Variants in ADGRV1 observed in about 807,000 individuals in gnomAD.
ADGRV1 encodes the protein G-protein coupled receptor 98.
A neutral mutation model predicts 596.2 loss-of-function variants in ADGRV1; 359 were observed. That is an observed-to-expected ratio of 0.60 (90% CI 0.55 to 0.66). The LOEUF (loss-of-function observed/expected upper bound fraction) is 0.66. ADGRV1 is among the 30% of genes least tolerant of loss of function. The pLI, the probability that ADGRV1 is intolerant of heterozygous loss-of-function variation, is 0.00. For missense variants in ADGRV1, 7,274 were observed against 7,575.6 expected, an observed-to-expected ratio of 0.96 and a Z score of 1.48; for synonymous variants, 2,681 against 2,679.2, an observed-to-expected ratio of 1.00 and a Z score of -0.02.
At chr5:91,031,446 A>G (rs1784476190) in intron 85 of ADGRV1, 1 of 733,370 alleles carries the variant, frequency 1.4e-6, no homozygotes, top group African/African-American at 1.8e-5. Flanking sequence ...GAGTCACTCA[A>G]CTCTGAATAA....
At chr5:90,949,922 A>C (rs1776917288) in intron 83 of ADGRV1, among the ~76,000 whole-genome samples, 1 of 152,174 alleles carries the variant, frequency 6.6e-6, no homozygotes, top group Non-Finnish European at 1.5e-5. Context: ...TTGACAAGGA[A>C]GGATGCCTTT....
intron 1 of ADGRV1, among the ~76,000 whole-genome samples, chr5:90,611,605 A>C (rs557716493): frequency 6.6e-6 from 1 of 152,076 alleles, no homozygotes; most frequent in African/African-American, 2.4e-5. Context: ...TCACAGTTGC[A>C]ACAGAATACA....
chr5:90,673,779 AG>A (rs1772835972), intron 22 of ADGRV1, among the ~76,000 whole-genome samples: 1 of 152,124 alleles, frequency 6.6e-6, no homozygotes, highest in Non-Finnish European at 1.5e-5. Flanking sequence ...ATTTTAACAT[AG>A]GAATTTGGGG....
intron 84 of ADGRV1, among the ~76,000 whole-genome samples, chr5:90,977,674 T>C (rs1779728431): frequency 6.6e-6 from 1 of 152,306 alleles, no homozygotes; most frequent in African/African-American, 2.4e-5. Context: ...TATCTGGATA[T>C]TGGGAAAAAT....
rs1746613008 is a variant in ADGRV1 at position 90,692,527 on chromosome 5, G to A, written c.6952-78G>A. ...TTCTTGTACTTGTATGTATATGTTT[G>A]ATTTTTTTCCCTTGAATCATTTTTA... On this transcript the variant is annotated intron_variant, in intron 31 of 89. Coordinates refer to ENST00000405460, the MANE Select transcript of ADGRV1 (RefSeq NM_032119.4). 12 of 1,162,704 alleles carry A rather than the reference G, an allele frequency of 1.0e-5. No individual in the cohort carries two copies. In the South Asian group the frequency reaches 1.9e-4, roughly 18 times the overall value. The allele number at this position is 1,162,704 out of a possible 1,614,324, so 72.0% of individuals were successfully genotyped here.
chr5:90,604,373 T>C (rs1761812536), intron 1 of ADGRV1, among the ~76,000 whole-genome samples: 2 of 152,098 alleles, frequency 1.3e-5, no homozygotes, highest in Admixed American at 1.3e-4. Context: ...AAAAACAGAC[T>C]GTCTTCAATG....
Position 90,658,003 on chromosome 5 carries a change from G to C in ADGRV1, c.4477G>C (p.Glu1493Gln). ...GTCCTATGAGCGGAAACTGACGCTTGAAGAAATTTATGAACTTCATGCCAT... is the reference window on the plus strand; with the variant it reads ...GTCCTATGAGCGGAAACTGACGCTTCAAGAAATTTATGAACTTCATGCCAT... ...VRSYERKLTLEEIYELHAMPA... is the reference protein window; with the variant it reads ...VRSYERKLTLQEIYELHAMPA... The change falls in exon 21 of 90, where the codon GAA (glutamate) becomes CAA (glutamine). Residue 1493 changes from glutamate to glutamine, a missense_variant. Glu to Gln is a conservative substitution (Grantham distance 29). Coordinates refer to ENST00000405460, the MANE Select transcript of ADGRV1 (RefSeq NM_032119.4). 1 of 1,613,940 alleles carries C rather than the reference G, an allele frequency of 6.2e-7. No individual in the cohort carries two copies. The highest frequency in any genetic ancestry group is 2.2e-5 in the East Asian group (1 of 44,874).
intron 34 of ADGRV1, among the ~76,000 whole-genome samples, chr5:90,700,201 C>T (rs762641108): frequency 3.9e-5 from 6 of 152,116 alleles, no homozygotes; most frequent in Non-Finnish European, 8.8e-5. Flanking sequence ...GGTGATTCTT[C>T]AGAGATAACC....
At chr5:91,162,466 G>T (rs999373378) in intron 89 of ADGRV1, among the ~76,000 whole-genome samples, 2 of 152,104 alleles carry the variant, frequency 1.3e-5, no homozygotes, top group African/African-American at 4.8e-5. Context: ...TCCTGAGCTT[G>T]GAAACCCTAG....
In ADGRV1 at chr5:90,563,573, G is replaced by T. The variant is rs148893672; in HGVS notation, c.22+4656G>T. Among the ~76,000 whole-genome samples the T allele has an allele frequency of 4.4e-3, 669 of 152,338 alleles. 5 individuals are homozygous for T. The highest frequency in any genetic ancestry group is 0.015 in the African/African-American group (630 of 41,580). ...ATGCAACTCCAAAAAGTCATTGTGT[G>T]CACTGTTAATGGTTTCTCATGCAGT... On this transcript the variant is annotated intron_variant, in intron 1 of 89. Transcript: ENST00000405460.
chr5:90,812,898 G>A (rs563062886), intron 74 of ADGRV1, among the ~76,000 whole-genome samples: 10 of 151,792 alleles, frequency 6.6e-5, no homozygotes, highest in South Asian at 2.1e-4. Flanking sequence ...TTGGGAGGCC[G>A]AGTCGGGCGG....
intron 86 of ADGRV1, among the ~76,000 whole-genome samples, chr5:91,083,386 TATA>T (rs1347479383): frequency 6.6e-6 from 1 of 152,052 alleles, no homozygotes; most frequent in Non-Finnish European, 1.5e-5. Flanking sequence ...GAACTTAAAG[TATA>T]ATAATAAAAA....
chr5:90,689,332 C>CTTTTTT (rs34756274), intron 29 of ADGRV1, among the ~76,000 whole-genome samples: 8 of 104,422 alleles, frequency 7.7e-5, no homozygotes, highest in Non-Finnish European at 1.3e-4. Flanking sequence ...CCCCACCCAC[C>CTTTTTT]TTTTTTTTTT....
At chr5:90,628,363 G>A (rs1765073538) in intron 7 of ADGRV1, among the ~76,000 whole-genome samples, 199 bp from the exon 8 acceptor site, 1 of 152,092 alleles carries the variant, frequency 6.6e-6, no homozygotes, top group South Asian at 2.1e-4. Flanking sequence ...AGTGAGCTCT[G>A]ATCACACCAC....
intron 83 of ADGRV1, among the ~76,000 whole-genome samples, chr5:90,877,038 G>C (rs1217556730): frequency 6.6e-6 from 1 of 152,118 alleles, no homozygotes; most frequent in Non-Finnish European, 1.5e-5. Context: ...ACAGCATATA[G>C]TGGGAACCAA....
intron 83 of ADGRV1, among the ~76,000 whole-genome samples, chr5:90,929,006 C>G (rs926430858): frequency 6.8e-6 from 1 of 148,134 alleles, no homozygotes; most frequent in East Asian, 2.0e-4. Context: ...TCTCCAGCTG[C>G]GTGCTGGGAG....
rs1768792159 is a variant in ADGRV1, at chr5:90,652,563, G to C, written c.3634G>C (p.Gly1212Arg). 6.4e-7 allele frequency: 1 copy of C among 1,570,746 alleles called. No individual in the cohort carries two copies. The stretch of plus-strand genomic sequence containing the variant: ...TTTCCTAAAACTTGTAAACATTTCA[G>C]GTACTGTGTTTTTCCATGTCTTATT... ...FYFLKLVNIS[G>R]GSPGPGGQLA... The change falls in exon 19 of 90, where the codon GGT (glycine) becomes CGT (arginine). Residue 1212 changes from glycine to arginine, a missense_variant and splice_region_variant. Physicochemically the swap from Gly to Arg is moderately radical, Grantham distance 125 (BLOSUM62 -2). Transcript: ENST00000405460.
chr5:90,946,054 T>C (rs1435899518), intron 83 of ADGRV1, among the ~76,000 whole-genome samples: 1 of 151,994 alleles, frequency 6.6e-6, no homozygotes, highest in Non-Finnish European at 1.5e-5. Context: ...ACAAGGAATA[T>C]GATCAAGGAT....
At chr5:90,674,009 C>A (rs1772872845) in intron 22 of ADGRV1, 45 bp from the exon 23 acceptor site, 2 of 1,411,494 alleles carry the variant, frequency 1.4e-6, no homozygotes, top group Non-Finnish European at 2.0e-6. Flanking sequence ...TAAGTAATTT[C>A]TAAATGCCTC....
Sources: allele counts gnomAD v4.1 joint callset (sites outside exome capture counted in the v4.1 genomes callset), GRCh38; gene constraint gnomAD v4.1.1; transcripts MANE v1.5; gene names NCBI Gene and HGNC (gene_info 2026-07-23, HGNC 2026-07-21).